The following FBL variants were observed in gnomAD, a reference collection of about 807,000 sequenced individuals.
The protein encoded by FBL is fibrillarin rRNA 2'-O-methyltransferase.
Under a neutral mutation model 42.2 loss-of-function variants are expected in FBL, and 10 were observed. That is an observed-to-expected ratio of 0.24 (90% CI 0.15 to 0.40). The LOEUF (loss-of-function observed/expected upper bound fraction) is 0.40. Ranked by LOEUF, FBL falls within the 10% of genes least tolerant of loss-of-function variation. The pLI, the probability that FBL is intolerant of heterozygous loss-of-function variation, is 1.00. For missense variants in FBL, 351 were observed against 439.2 expected, an observed-to-expected ratio of 0.80 and a Z score of 1.79; for synonymous variants, 165 against 165.4, an observed-to-expected ratio of 1.00 and a Z score of 0.02.
rs528648044 is a variant in FBL, at chr19:39,846,310, T to C, written c.-10A>G. 3.0e-5 allele frequency: 49 copies of C among 1,613,458 alleles called. No homozygotes were observed. In the South Asian group the frequency reaches 3.8e-4, roughly 13 times the overall value. On this transcript the variant is annotated 5_prime_UTR_variant, in exon 1 of 9. Transcript: ENST00000221801. ...CCTGACCTGGCTTCATGGCGAGCCC[T>C]GGTTTGTGCGGCTCCGGAGTCCGCG...
Position 39,839,493 on chromosome 19 carries a change from G to A in FBL, c.379-288C>T, listed in dbSNP as rs75106705. On this transcript the variant is annotated intron_variant, in intron 4 of 8. Transcript: ENST00000221801. ...CTGTGTGCCAGACCCTGCTCTAGGC[G>A]CTGGGGATACAAAACAAGGATCCCT... 8.5e-3 allele frequency among the ~76,000 whole-genome samples: 1,297 copies of A among 152,294 alleles called. 12 individuals are homozygous for A. Among genetic ancestry groups the A allele is most frequent in the African/African-American group, 0.027 (1,130 of 41,552 alleles).
At position 39,840,460 on chromosome 19, in the gene FBL, T is replaced by A. The variant is rs768721519; in HGVS notation, c.237A>T (p.Gly79=). The change falls in exon 3 of 9, where the codon GGA becomes GGT. Residue 79 remains glycine, a synonymous_variant. Transcript: ENST00000221801. The surrounding 1 kb of genome is among the most constrained non-coding windows in gnomAD (Gnocchi z 4.5). ...NRGRGRGGKR[G]NQSGKNVMVE... is the part of the protein sequence containing the mutation. Reference sequence around the variant, plus strand: ...CCATCACATTCTTCCCCGACTGGTTTCCTCTTTTTCCTCCCCGACCACGAC... The same window carrying A: ...CCATCACATTCTTCCCCGACTGGTTACCTCTTTTTCCTCCCCGACCACGAC... 1 of 1,613,972 alleles carries A rather than the reference T, an allele frequency of 6.2e-7. No individual in the cohort carries two copies. Among genetic ancestry groups the A allele is most frequent in the Non-Finnish European group, 8.5e-7 (1 of 1,180,028 alleles).
Position 39,840,374 on chromosome 19 carries a change from T to C in FBL, c.283+40A>G. 1 of 1,612,640 alleles carries C rather than the reference T, an allele frequency of 6.2e-7. No homozygotes were observed. Among genetic ancestry groups the C allele is most frequent in the Non-Finnish European group, 8.5e-7 (1 of 1,178,660 alleles). Reference sequence around the variant, plus strand: ...GGGGTGAGGACCCCCAGCCTCTCCCTGCCCCGAAGCTCAGCCGGCTCCCTG... The same window carrying C: ...GGGGTGAGGACCCCCAGCCTCTCCCCGCCCCGAAGCTCAGCCGGCTCCCTG... On this transcript the variant is annotated intron_variant, in intron 3 of 8. Coordinates refer to ENST00000221801, the MANE Select transcript of FBL (RefSeq NM_001436.4). This position sits in a 1 kb window ranked among gnomAD's most constrained non-coding sequence, Gnocchi z 4.5.
At chr19:39,842,634 CTCA>C (rs1940942173) in intron 1 of FBL, among the ~76,000 whole-genome samples, 1 of 152,186 alleles carries the variant, frequency 6.6e-6, no homozygotes, top group Admixed American at 6.5e-5. Context: ...CAAGTAAGAT[CTCA>C]TCATGCCCTT....
intron 5 of FBL, 83 bp downstream of exon 5, chr19:39,838,952 C>A: frequency 7.8e-7 from 1 of 1,288,642 alleles, no homozygotes; most frequent in Non-Finnish European, 1.1e-6. Flanking sequence ...ACAGCGCAGG[C>A]AAGCAGTCAA....
At chr19:39,845,904 C>T (rs1216901438) in intron 1 of FBL, among the ~76,000 whole-genome samples, 3 of 152,204 alleles carry the variant, frequency 2.0e-5, no homozygotes, top group Non-Finnish European at 2.9e-5. Flanking sequence ...CAGGAACTCT[C>T]CATCTCCGAC....
In FBL at chr19:39,836,607, C is replaced by T; in HGVS notation, c.744G>A (p.Leu248=). 6.2e-7 allele frequency: 1 copy of T among 1,614,190 alleles called. No individual in the cohort carries two copies. Among genetic ancestry groups the T allele is most frequent in the East Asian group, 2.2e-5 (1 of 44,882 alleles). The change falls in exon 7 of 9, where the codon CTG becomes CTA. Residue 248 remains leucine (L), a synonymous_variant. Coordinates refer to ENST00000221801, the MANE Select transcript of FBL (RefSeq NM_001436.4). ...AQPDQTRIVA[L]NAHTFLRNGG... is the part of the protein sequence containing the mutation. ...CATTACGCAGGAAGGTGTGGGCATT[C>T]AGGGCCACAATCCGGGTCTGGTCTG...
At position 39,834,461 on chromosome 19, in the gene FBL, G is replaced by T; in HGVS notation, c.*77C>A. The stretch of plus-strand genomic sequence containing the variant: ...GGAATGAGCAGCAGACATGGGAGAC[G>T]GATGAGTCTTTTAATAGAAAAACAC... On this transcript the variant is annotated 3_prime_UTR_variant, in exon 9 of 9. Transcript: ENST00000221801. The T allele has an allele frequency of 6.5e-7, 1 of 1,531,962 alleles. No homozygotes were observed. The highest frequency in any genetic ancestry group is 9.0e-7 in the Non-Finnish European group (1 of 1,108,286). 94.9% of individuals were successfully genotyped at this position (1,531,962 alleles called of 1,614,324 possible). A position where few individuals can be genotyped will look rare whatever the true frequency, so the allele number is the denominator to read the frequency against.
intron 4 of FBL, among the ~76,000 whole-genome samples, chr19:39,839,509 A>T (rs1969115414): frequency 6.6e-6 from 1 of 152,190 alleles, no homozygotes; most frequent in African/African-American, 2.4e-5. Flanking sequence ...GATACAAAAC[A>T]AGGATCCCTG....
chr19:39,840,846 G>C lies in FBL; in HGVS notation c.11-59C>G. The C allele has an allele frequency of 6.9e-7, 1 of 1,441,418 alleles. No homozygotes were observed. Among genetic ancestry groups the C allele is most frequent in the Non-Finnish European group, 9.2e-7 (1 of 1,083,912 alleles). 89.3% of individuals were successfully genotyped at this position (1,441,418 alleles called of 1,614,324 possible). On this transcript the variant is annotated intron_variant, in intron 1 of 8. Coordinates refer to ENST00000221801, the MANE Select transcript of FBL (RefSeq NM_001436.4). This position sits in a 1 kb window ranked among gnomAD's most constrained non-coding sequence, Gnocchi z 4.5. ...GAAGCTTAAAAGGTTAAACCACCTT[G>C]TACCCAGCAATACCTCTCAGGTGAG...
intron 4 of FBL, among the ~76,000 whole-genome samples, chr19:39,839,536 A>G (rs978796898): frequency 3.3e-5 from 5 of 152,172 alleles, no homozygotes; most frequent in Non-Finnish European, 7.4e-5. Flanking sequence ...AGGTGTAAGT[A>G]TTCACCGAAC....
At chr19:39,846,181 G>T in intron 1 of FBL, 110 bp downstream of exon 1, 2 of 1,299,074 alleles carry the variant, frequency 1.5e-6, no homozygotes, top group Non-Finnish European at 2.2e-6. Flanking sequence ...TGGAACCCGT[G>T]CTCAGAACCC....
rs377432606 is a variant in FBL, at chr19:39,837,801, G to A, written c.592C>T (p.Arg198Cys). Reference sequence around the variant, plus strand: ...TTCTTGGCCAAGTTAATGAGGTCACGGCCAGAGCGGTGGGAGAACTCGACT... The same window carrying A: ...TTCTTGGCCAAGTTAATGAGGTCACAGCCAGAGCGGTGGGAGAACTCGACT... Reference protein sequence around the residue: ...YAVEFSHRSGRDLINLAKKRT... With the variant: ...YAVEFSHRSGCDLINLAKKRT... The change falls in exon 6 of 9, where the codon CGT becomes TGT. Residue 198 changes from arginine to cysteine, a missense_variant. Transcript: ENST00000221801. 1.7e-5 allele frequency: 28 copies of A among 1,612,242 alleles called. No individual in the cohort carries two copies. Among genetic ancestry groups the A allele is most frequent in the Non-Finnish European group, 2.1e-5 (25 of 1,179,394 alleles).
rs145794204 is a variant in FBL at position 39,840,019 on chromosome 19, C to A, written c.378+214G>T. Among the ~76,000 whole-genome samples the A allele has an allele frequency of 1.5e-3, 227 of 152,236 alleles. No individual in the cohort carries two copies. The highest frequency in any genetic ancestry group is 5.1e-3 in the African/African-American group (213 of 41,532). On this transcript the variant is annotated intron_variant, in intron 4 of 8. Transcript: ENST00000221801. The surrounding 1 kb of genome is among the most constrained non-coding windows in gnomAD (Gnocchi z 4.5). ...GGGGCAGGGAGGGGGAACTGGAATG[C>A]ACAGGGTCTTGGAGGCCTGAGTGAA...
intron 4 of FBL, 72 bp from the exon 5 acceptor site, chr19:39,839,277 G>GCCCAGTTCCTTTCAAGGCT: frequency 4.6e-6 from 6 of 1,295,196 alleles, no homozygotes; most frequent in African/African-American, 3.1e-5. Flanking sequence ...AACCCTAGGA[G>GCCCAGTTCCTTTCAAGGCT]CCTTGAAAGG....
Position 39,840,419 on chromosome 19 carries a change from T to G in FBL, c.278A>C (p.His93Pro). ...GKNVMVEPHR[H>P]EGVFICRGKE... ...TCCCTGCCTTCCTCACTCACCCTCA[T>G]GCCGATGCGGCTCCACCATCACATT... The change falls in exon 3 of 9, where the codon CAT becomes CCT. Residue 93 changes from histidine to proline, a missense_variant. Coordinates refer to ENST00000221801, the MANE Select transcript of FBL (RefSeq NM_001436.4). The surrounding 1 kb of genome is among the most constrained non-coding windows in gnomAD (Gnocchi z 4.5). The G allele has an allele frequency of 6.2e-7, 1 of 1,614,104 alleles. No individual in the cohort carries two copies. Among genetic ancestry groups the G allele is most frequent in the Non-Finnish European group, 8.5e-7 (1 of 1,179,994 alleles).
intron 1 of FBL, 146 bp downstream of exon 1, chr19:39,846,145 T>A (rs1969257813): frequency 1.1e-6 from 1 of 941,578 alleles, no homozygotes; most frequent in African/African-American, 1.6e-5. Flanking sequence ...CCTGCTGGAA[T>A]CAGAATCCCC....
intron 6 of FBL, 70 bp downstream of exon 6, chr19:39,837,641 T>A: frequency 7.3e-7 from 1 of 1,374,112 alleles, no homozygotes; most frequent in Non-Finnish European, 9.8e-7. Context: ...GAATCAGAGA[T>A]CCACTGGCTT....
chr19:39,839,490 G>A (rs146958641), intron 4 of FBL, among the ~76,000 whole-genome samples: 1 of 152,178 alleles, frequency 6.6e-6, no homozygotes, highest in Non-Finnish European at 1.5e-5. Context: ...CCCTGCTCTA[G>A]GCGCTGGGGA....
Sources: allele counts gnomAD v4.1 joint callset (sites outside exome capture counted in the v4.1 genomes callset), GRCh38; gene constraint gnomAD v4.1.1; non-coding constraint Gnocchi (gnomAD v3.1); transcripts MANE v1.5; gene names NCBI Gene and HGNC (gene_info 2026-07-23, HGNC 2026-07-21).